The following ARSG variants were observed in gnomAD, a reference collection of about 807,000 sequenced individuals.
ARSG encodes the protein arylsulfatase G, also known as ASG.
Under a neutral mutation model 50.5 loss-of-function variants are expected in ARSG, and 37 were observed. The observed-to-expected ratio is 0.73, with a 90% confidence interval of 0.56 to 0.96. The LOEUF (loss-of-function observed/expected upper bound fraction) is 0.96, where lower values mean the gene tolerates loss of function less well. ARSG is among the 50% of genes least tolerant of loss of function. The pLI is 0.00. For synonymous variants in ARSG, 225 were observed against 254.6 expected, an observed-to-expected ratio of 0.88 and a Z score of 1.11; for missense variants, 629 against 675.3, an observed-to-expected ratio of 0.93 and a Z score of 0.76.
intron 1 of ARSG, chr17:68,269,117 G>A (rs1568401875): frequency 6.6e-6 from 10 of 1,514,626 alleles, no homozygotes; most frequent in Non-Finnish European, 7.1e-6. Context: ...CCATTTGCAC[G>A]TGAACTCTGT....
intron 1 of ARSG, among the ~76,000 whole-genome samples, chr17:68,259,831 C>G (rs1297875841): frequency 2.0e-5 from 3 of 152,148 alleles, no homozygotes; most frequent in Non-Finnish European, 4.4e-5. Flanking sequence ...CAGCTCTAGA[C>G]CAGTACCCAA....
chr17:68,435,563 C>A, the ARSG span: 1 of 1,540,446 alleles, frequency 6.5e-7, no homozygotes, highest in Non-Finnish European at 9.0e-7. Context: ...CATCCCTGCG[C>A]ACGGCAGGAG....
At position 68,402,871 on chromosome 17, in the gene ARSG, C is replaced by T. The variant is rs139388238; in HGVS notation, c.1303+1421C>T. On this transcript the variant is annotated intron_variant, in intron 11 of 11. Coordinates refer to ENST00000621439, the MANE Select transcript of ARSG (RefSeq NM_001267727.2). ...CTTTCTAAATTTGGAACTCTTTCAG[C>T]ACTTTAATCTTTGTTGTCTTGAAGT... 2.9e-3 allele frequency among the ~76,000 whole-genome samples: 435 copies of T among 152,288 alleles called. 1 individual carries two copies. Among genetic ancestry groups the T allele is most frequent in the African/African-American group, 0.01 (426 of 41,560 alleles).
chr17:68,278,060 G>A lies in ARSG; in HGVS notation c.-552+18634G>A, dbSNP rs369400870. 67 of 1,529,810 alleles carry A rather than the reference G, an allele frequency of 4.4e-5. No homozygotes were observed. In the Admixed American group the frequency reaches 7.6e-4, roughly 17 times the overall value. The allele number at this position is 1,529,810 out of a possible 1,614,324, so 94.8% of individuals were successfully genotyped here. ...CAAATTAAAAGGGCCCTATACTTAC[G>A]TCATGGTTAGGCCGAAAGATGTACT... On this transcript the variant is annotated intron_variant, in intron 1 of 11. Transcript: ENST00000448504.
rs550271013 is a variant in ARSG at position 68,380,425 on chromosome 17, ATTATTTAT to A, written c.983-4623_983-4616del. 2.6e-5 allele frequency among the ~76,000 whole-genome samples: 4 copies of A among 151,678 alleles called. No individual in the cohort carries two copies. In the East Asian group the frequency reaches 5.8e-4, roughly 22 times the overall value. ...TAGCTGGGACTACCACACTTAGCTA[ATTATTTAT>A]TTATTTATTTATTTAGTAGAGACAC... On this transcript the variant is annotated intron_variant, in intron 8 of 11. Coordinates refer to ENST00000621439, the MANE Select transcript of ARSG (RefSeq NM_001267727.2).
chr17:68,407,134 C>T (rs566115516), intron 11 of ARSG, among the ~76,000 whole-genome samples: 21 of 152,296 alleles, frequency 1.4e-4, no homozygotes, highest in African/African-American at 4.3e-4. Context: ...GGTGTCCTTT[C>T]CCCACTTTAT....
chr17:68,351,637 T>C lies in ARSG; in HGVS notation c.517T>C (p.Tyr173His). The part of the protein sequence containing the change: ...HDMGCTDTPG[Y>H]NHPPCPACPQ... ...TATGGGCTGTACTGATACTCCAGGC[T>C]ACAACCACCCTCCTTGTCCAGCGTG... is the stretch of plus-strand genomic sequence containing the variant. Residue 173 changes from tyrosine to histidine, a missense_variant, in exon 5 of 12, where the codon TAC becomes CAC. Transcript: ENST00000621439. The C allele has an allele frequency of 6.2e-7, 1 of 1,614,026 alleles. No individual in the cohort carries two copies. Among genetic ancestry groups the C allele is most frequent in the Non-Finnish European group, 8.5e-7 (1 of 1,179,938 alleles).
chr17:68,274,196 T>C (rs782564449), intron 1 of ARSG: 37 of 1,020,258 alleles, frequency 3.6e-5, no homozygotes, highest in Non-Finnish European at 5.1e-5. Flanking sequence ...CCGAGCGCAG[T>C]GGCTCATGCC....
intron 3 of ARSG, chr17:68,346,898 A>G: frequency 6.8e-7 from 1 of 1,465,262 alleles, no homozygotes; most frequent in Non-Finnish European, 9.1e-7. Context: ...TTCCCCTTTC[A>G]CTGTGGTTTC....
At chr17:68,296,870 G>A (rs1555758485) in intron 1 of ARSG, among the ~76,000 whole-genome samples, 1 of 152,198 alleles carries the variant, frequency 6.6e-6, no homozygotes, top group African/African-American at 2.4e-5. Context: ...TTACAAGTGA[G>A]AATTACAAGT....
At position 68,356,753 on chromosome 17, in the gene ARSG, G is replaced by T. The variant is rs955662861; in HGVS notation, c.653G>T (p.Ser218Ile). ...NIVEQPVNLS[S>I]LAQKYAEKAT... ...GTGGAGCAGCCGGTGAACTTGAGCA[G>T]CCTTGCCCAGAAGTATGCTGAGAAA... The change falls in exon 6 of 12, where the codon AGC becomes ATC. Residue 218 changes from serine to isoleucine, a missense_variant. Transcript: ENST00000621439. 1.9e-6 allele frequency: 3 copies of T among 1,614,212 alleles called. No homozygotes were observed. The Admixed American group carries it at 5.0e-5, about 27-fold the overall frequency.
intron 1 of ARSG, among the ~76,000 whole-genome samples, chr17:68,284,090 T>G (rs1434254105): frequency 1.8e-4 from 18 of 98,912 alleles, no homozygotes; most frequent in Admixed American, 2.8e-4. Flanking sequence ...AGCAATAGAG[T>G]GAGACTCTGT....
At chr17:68,362,657 C>T (rs1178017396) in intron 6 of ARSG, among the ~76,000 whole-genome samples, 1 of 152,142 alleles carries the variant, frequency 6.6e-6, no homozygotes, top group Non-Finnish European at 1.5e-5. Flanking sequence ...GGACTATTTG[C>T]ATTATACTTA....
chr17:68,265,580 A>G lies in ARSG; in HGVS notation c.-552+6154A>G, dbSNP rs1484005799. On this transcript the variant is annotated intron_variant, in intron 1 of 11. Transcript: ENST00000448504. The stretch of plus-strand genomic sequence containing the variant: ...TGATCTAAGAATTACTTTGACCACA[A>G]TGAATCCTTTCCCATGGGTCAGGAT... Among the ~76,000 whole-genome samples, 5 of 152,316 alleles carry G rather than the reference A, an allele frequency of 3.3e-5. No individual in the cohort carries two copies. In the East Asian group the frequency reaches 5.8e-4, roughly 18 times the overall value.
intron 11 of ARSG, among the ~76,000 whole-genome samples, chr17:68,402,479 G>A (rs979555706): frequency 4.0e-5 from 6 of 151,560 alleles, no homozygotes; most frequent in Admixed American, 6.6e-5. Flanking sequence ...TCCTGACCTC[G>A]TGATCCGCCC....
At chr17:68,403,327 T>C (rs1172545686) in intron 11 of ARSG, among the ~76,000 whole-genome samples, 12 of 152,164 alleles carry the variant, frequency 7.9e-5, no homozygotes, top group Admixed American at 7.9e-4. Context: ...TATGAAGTAA[T>C]AGGGCTATTT....
chr17:68,437,948 TAAAAAAA>T, the ARSG span, among the ~76,000 whole-genome samples: 34,195 of 79,840 alleles, frequency 0.43, 5,806 homozygotes, highest in Admixed American at 0.58. Flanking sequence ...ACATCTCTCT[TAAAAAAA>T]AAAAAAAAAA....
chr17:68,426,250 G>A (rs1463224481), downstream of ARSG: 21 of 827,938 alleles, frequency 2.5e-5, 4 homozygotes, highest in South Asian at 2.2e-4. Flanking sequence ...GGTGGGGAGC[G>A]GGGGCTCAAA....
At chr17:68,418,462 C>T (rs1364687982) in intron 11 of ARSG, among the ~76,000 whole-genome samples, 1 of 152,192 alleles carries the variant, frequency 6.6e-6, no homozygotes, top group Non-Finnish European at 1.5e-5. Flanking sequence ...CTATTAATCT[C>T]TACTGATCAA....
Sources: allele counts gnomAD v4.1 joint callset (sites outside exome capture counted in the v4.1 genomes callset), GRCh38; gene constraint gnomAD v4.1.1; transcripts MANE v1.5; gene names NCBI Gene and HGNC (gene_info 2026-07-23, HGNC 2026-07-21).